The following DENND6A variants were observed in gnomAD, a reference collection of about 807,000 sequenced individuals.
The protein encoded by DENND6A is protein DENND6A.
Under a neutral mutation model 95.5 loss-of-function variants are expected in DENND6A, and 43 were observed. The observed-to-expected ratio is 0.45, with a 90% CI of 0.35 to 0.58. The LOEUF is 0.58. Among genes scored for constraint, DENND6A ranks in the 20% least tolerant of loss-of-function variants. DENND6A has a pLI of 0.00. For missense variants in DENND6A, 574 were observed against 736.0 expected (o/e 0.78, Z 2.55); for synonymous variants, 257 against 260.4 (o/e 0.99, Z 0.13).
chr3:57,631,711 G>GCT, intron 15 of DENND6A, among the ~76,000 whole-genome samples: 1 of 145,454 alleles, frequency 6.9e-6, no homozygotes, highest in African/African-American at 2.5e-5. Flanking sequence ...TTTGGTCTCT[G>GCT]CTCTCTTTTT....
intron 12 of DENND6A, among the ~76,000 whole-genome samples, chr3:57,641,419 ATTATTCT>A: frequency 6.8e-6 from 1 of 147,646 alleles, no homozygotes; most frequent in Admixed American, 6.8e-5. Context: ...GTGTTATATT[ATTATTCT>A]ATAATAATAT....
At position 57,664,563 on chromosome 3, in the gene DENND6A, A is replaced by G. The variant is rs368417185; in HGVS notation, c.433-847T>C. On this transcript the variant is annotated intron_variant, in intron 4 of 19. Coordinates refer to ENST00000311128, the MANE Select transcript of DENND6A (RefSeq NM_152678.3). ...AAAGGAGAAAAATGAGGCCAGGTGC[A>G]GTGGCTCATGCCTGTAATCCCAGCA... 5.9e-5 allele frequency among the ~76,000 whole-genome samples: 9 copies of G among 152,312 alleles called. No individual in the cohort carries two copies. In the East Asian group the frequency reaches 1.5e-3, roughly 26 times the overall value.
intron 19 of DENND6A, 113 bp from the exon 20 acceptor site, chr3:57,628,458 A>G: frequency 1.4e-6 from 2 of 1,393,438 alleles, no homozygotes; most frequent in African/African-American, 1.4e-5. Context: ...TTTCAGTCTT[A>G]GACCAGAAAT....
rs112564279 is a variant in DENND6A at position 57,674,173 on chromosome 3, G to C, written c.238-1735C>G. ...TGAGGTGGGAGGATCACGAGGGCAG[G>C]AGATCGAGACCATACGGTGAAACCC... On this transcript the variant is annotated intron_variant, in intron 1 of 19. Coordinates refer to ENST00000311128, the MANE Select transcript of DENND6A (RefSeq NM_152678.3). Among the ~76,000 whole-genome samples, 1,029 of 152,056 alleles carry C rather than the reference G, an allele frequency of 6.8e-3. 12 individuals are homozygous for C. Among genetic ancestry groups the C allele is most frequent in the African/African-American group, 0.023 (956 of 41,502 alleles).
intron 9 of DENND6A, among the ~76,000 whole-genome samples, chr3:57,652,867 A>G (rs2071238622): frequency 6.6e-6 from 1 of 152,232 alleles, no homozygotes; most frequent in African/African-American, 2.4e-5. Context: ...TGAAAGTCAG[A>G]GACTAAAGAA....
At position 57,685,742 on chromosome 3, in the gene DENND6A, A is replaced by ATTT. The variant is rs1559833686; in HGVS notation, c.237+7039_237+7040insAAA. ...TCAGCATTCATTCTTTTTTTTTAAAAAAAAATTTGTTTTTCTTTAATGTTT... is the reference window on the plus strand; with the variant it reads ...TCAGCATTCATTCTTTTTTTTTAAAATTTAAAAATTTGTTTTTCTTTAATGTTT... On this transcript the variant is annotated intron_variant, in intron 1 of 19. Coordinates refer to ENST00000311128, the MANE Select transcript of DENND6A (RefSeq NM_152678.3). Among the ~76,000 whole-genome samples, 1,421 of 152,148 alleles carry ATTT rather than the reference A, an allele frequency of 9.3e-3. 13 individuals carry two copies. The highest frequency in any genetic ancestry group is 0.032 in the African/African-American group (1,339 of 41,506).
chr3:57,679,498 G>C (rs2077140494), intron 1 of DENND6A: 1 of 985,206 alleles, frequency 1.0e-6, no homozygotes, highest in Non-Finnish European at 1.2e-6. Context: ...TTGACTTTGG[G>C]CAAAAATAAA....
intron 9 of DENND6A, among the ~76,000 whole-genome samples, chr3:57,657,435 A>C (rs1300280459): frequency 6.6e-6 from 1 of 152,214 alleles, no homozygotes; most frequent in Non-Finnish European, 1.5e-5. Context: ...TTATTACAAT[A>C]TAATTCTCAC....
In DENND6A at chr3:57,633,259, AC is replaced by A; in HGVS notation, c.1353+5del. ...AAATTATGCAAAAATTTATTTATTAACTTACTAATGGAATGATGAAACTTTG... is the reference window on the plus strand; with the variant it reads ...AAATTATGCAAAAATTTATTTATTAATTACTAATGGAATGATGAAACTTTG... On this transcript the variant is annotated splice_donor_5th_base_variant and intron_variant, in intron 15 of 19. Coordinates refer to ENST00000311128, the MANE Select transcript of DENND6A (RefSeq NM_152678.3). 6.2e-7 allele frequency: 1 copy of A among 1,606,596 alleles called. No individual in the cohort carries two copies. The highest frequency in any genetic ancestry group is 1.1e-5 in the South Asian group (1 of 90,604).
At chr3:57,679,964 T>C (rs988966010) in intron 1 of DENND6A, among the ~76,000 whole-genome samples, 1 of 152,082 alleles carries the variant, frequency 6.6e-6, no homozygotes, top group African/African-American at 2.4e-5. Flanking sequence ...GGACAGAAAT[T>C]TGTGAGAAAC....
In DENND6A at chr3:57,651,678, TATTTA is replaced by T. The variant is rs1299979044; in HGVS notation, c.819-5245_819-5241del. Among the ~76,000 whole-genome samples, 12 of 151,744 alleles carry T rather than the reference TATTTA, an allele frequency of 7.9e-5. No individual in the cohort carries two copies. In the East Asian group the frequency reaches 1.9e-3, roughly 24 times the overall value. On this transcript the variant is annotated intron_variant, in intron 9 of 19. Coordinates refer to ENST00000311128, the MANE Select transcript of DENND6A (RefSeq NM_152678.3). Reference sequence around the variant, plus strand: ...ATGATATGATAATTACAAACCAGTTTATTTAATTACCAAAAAAAAAAAAGATAAAC... The same window carrying T: ...ATGATATGATAATTACAAACCAGTTTATTACCAAAAAAAAAAAAGATAAAC...
chr3:57,634,855 T>C, intron 12 of DENND6A, 86 bp from the exon 13 acceptor site: 2 of 1,098,802 alleles, frequency 1.8e-6, no homozygotes, highest in Non-Finnish European at 2.5e-6. Flanking sequence ...ATAATCTGTT[T>C]ATTACTTAAG....
chr3:57,689,936 T>A (rs1301241159), intron 1 of DENND6A, among the ~76,000 whole-genome samples: 1 of 151,558 alleles, frequency 6.6e-6, no homozygotes, highest in East Asian at 1.9e-4. Flanking sequence ...TAGTGGTGCA[T>A]GTCTGTATTC....
At chr3:57,688,715 C>T (rs1402170064) in intron 1 of DENND6A, among the ~76,000 whole-genome samples, 2 of 151,886 alleles carry the variant, frequency 1.3e-5, no homozygotes, top group Admixed American at 1.3e-4. Flanking sequence ...GAGACAAAGG[C>T]CTGGGGCTTT....
chr3:57,684,387 T>C (rs2077193317), intron 1 of DENND6A, among the ~76,000 whole-genome samples: 1 of 151,284 alleles, frequency 6.6e-6, no homozygotes, highest in Non-Finnish European at 1.5e-5. Context: ...CGCTGGAACT[T>C]GGGAATCAGA....
At chr3:57,670,794 G>A (rs1018864908) in intron 3 of DENND6A, among the ~76,000 whole-genome samples, 5 of 152,202 alleles carry the variant, frequency 3.3e-5, no homozygotes, top group African/African-American at 1.2e-4. Context: ...TGAAAGAGAA[G>A]AGCATCCAGC....
chr3:57,662,262 C>T (rs757067396), intron 5 of DENND6A, among the ~76,000 whole-genome samples: 1 of 126,954 alleles, frequency 7.9e-6, no homozygotes, highest in Non-Finnish European at 1.6e-5. Context: ...GTGATCATGG[C>T]TCACTGCTGC....
Position 57,692,799 on chromosome 3 carries a change from G to C in DENND6A, c.220C>G (p.Leu74Val). 6.4e-7 allele frequency: 1 copy of C among 1,552,754 alleles called. No individual in the cohort carries two copies. The highest frequency in any genetic ancestry group is 8.7e-7 in the Non-Finnish European group (1 of 1,154,324). Residue 74 changes from leucine to valine, a missense_variant, in exon 1 of 20, where the codon CTG becomes GTG. Physicochemically the swap from Leu to Val is conservative, Grantham distance 32. This residue lies in a region of DENND6A where 122 missense variants were observed against 105.1 expected (regional missense o/e 1.16). Coordinates refer to ENST00000311128, the MANE Select transcript of DENND6A (RefSeq NM_152678.3). ...CVCVVGFDLE[L>V]GQAVEVIYPQ... ...GGCCTCACCTCCACGGCCTGGCCCA[G>C]CTCCAGGTCGAAGCCCACCACACAC...
At chr3:57,628,468 T>C in intron 19 of DENND6A, 123 bp from the exon 20 acceptor site, 3 of 1,330,184 alleles carry the variant, frequency 2.3e-6, no homozygotes, top group Non-Finnish European at 3.0e-6. Flanking sequence ...AGACCAGAAA[T>C]TACAGAAACT....
Sources: allele counts gnomAD v4.1 joint callset (sites outside exome capture counted in the v4.1 genomes callset), GRCh38; gene constraint gnomAD v4.1.1; regional missense constraint gnomAD v4.1.1; transcripts MANE v1.5; gene names NCBI Gene and HGNC (gene_info 2026-07-23, HGNC 2026-07-21).